CLSTN2: variants seen among roughly 807,000 people sequenced by gnomAD.
CLSTN2 encodes calsyntenin-2.
CLSTN2 carries 48 observed loss-of-function variants against 101.2 expected under a neutral mutation model. The observed-to-expected ratio is 0.47, with a 90% confidence interval of 0.38 to 0.60. The LOEUF (loss-of-function observed/expected upper bound fraction) is 0.60. CLSTN2 is among the 20% of genes least tolerant of loss of function. CLSTN2 has a pLI of 0.00. For missense variants in CLSTN2, 1,160 were observed against 1,238.2 expected (o/e 0.94, Z 0.95); for synonymous variants, 481 against 463.6 (o/e 1.04, Z -0.48).
At chr3:140,388,048 G>A (rs150919439) in intron 2 of CLSTN2, among the ~76,000 whole-genome samples, 237 of 152,308 alleles carry the variant, frequency 1.6e-3, no homozygotes, top group Non-Finnish European at 1.6e-3. Context: ...TGCTTCTCAC[G>A]CTTCACCAGC....
intron 2 of CLSTN2, among the ~76,000 whole-genome samples, chr3:140,293,446 C>A (rs1030976806): frequency 6.6e-6 from 1 of 152,134 alleles, no homozygotes; most frequent in Non-Finnish European, 1.5e-5. Flanking sequence ...GTGACAGGGG[C>A]CTGTCTTCCA....
intron 1 of CLSTN2, among the ~76,000 whole-genome samples, chr3:140,024,392 C>G (rs976626996): frequency 6.6e-6 from 1 of 152,220 alleles, no homozygotes; most frequent in Admixed American, 6.5e-5. Flanking sequence ...GAGCCCTGGA[C>G]TGAGTCACAG....
intron 1 of CLSTN2, among the ~76,000 whole-genome samples, chr3:140,119,851 G>A (rs998612338): frequency 1.3e-5 from 2 of 152,136 alleles, no homozygotes; most frequent in Non-Finnish European, 2.9e-5. Flanking sequence ...AGTCTTTGCT[G>A]CTTGCAGTTG....
chr3:140,249,955 C>T (rs1380288158), intron 2 of CLSTN2, among the ~76,000 whole-genome samples: 1 of 152,202 alleles, frequency 6.6e-6, no homozygotes, highest in East Asian at 1.9e-4. Flanking sequence ...TTATGGCTTA[C>T]AGCTGGCAGG....
At chr3:140,528,257 C>T (rs1425640964) in intron 8 of CLSTN2, among the ~76,000 whole-genome samples, 1 of 152,112 alleles carries the variant, frequency 6.6e-6, no homozygotes, top group Non-Finnish European at 1.5e-5. Context: ...ATGACTATCA[C>T]CCGCTTCTCC....
intron 2 of CLSTN2, among the ~76,000 whole-genome samples, chr3:140,402,457 G>T (rs1365569133): frequency 6.6e-6 from 1 of 152,194 alleles, no homozygotes; most frequent in Non-Finnish European, 1.5e-5. Flanking sequence ...GGTTTTTTAT[G>T]AAGTTCAAAT....
intron 1 of CLSTN2, among the ~76,000 whole-genome samples, chr3:139,991,582 A>G (rs967688574): frequency 6.6e-6 from 1 of 152,390 alleles, no homozygotes; most frequent in Non-Finnish European, 1.5e-5. Context: ...CAGAGTTTCA[A>G]TAGGCTGCTA....
At chr3:140,096,527 T>G (rs75258096) in intron 1 of CLSTN2, among the ~76,000 whole-genome samples, 2,119 of 152,328 alleles carry the variant, frequency 0.014, 66 homozygotes, top group African/African-American at 0.048. Context: ...GCTATTGTGT[T>G]TTGTTTAATG....
At chr3:140,483,829 C>T (rs1008485640) in intron 8 of CLSTN2, among the ~76,000 whole-genome samples, 1 of 152,086 alleles carries the variant, frequency 6.6e-6, no homozygotes, top group East Asian at 1.9e-4. Context: ...GATCTTCCTC[C>T]ATCCCTTTAT....
chr3:140,000,541 A>T (rs1393654268), intron 1 of CLSTN2, among the ~76,000 whole-genome samples: 1 of 152,208 alleles, frequency 6.6e-6, no homozygotes, highest in Admixed American at 6.5e-5. Context: ...AACAGGGGTT[A>T]CCCAAATGGA....
At chr3:140,171,517 C>T (rs2010212508) in intron 1 of CLSTN2, among the ~76,000 whole-genome samples, 1 of 148,996 alleles carries the variant, frequency 6.7e-6, no homozygotes, top group Non-Finnish European at 1.5e-5. Context: ...GCCACTGCTT[C>T]AGAGCTGCTC....
chr3:139,969,388 G>A (rs1226598087), intron 1 of CLSTN2, among the ~76,000 whole-genome samples: 1 of 152,150 alleles, frequency 6.6e-6, no homozygotes, highest in East Asian at 1.9e-4. Context: ...CAGTTAATCT[G>A]ACCTCTCAAT....
intron 4 of CLSTN2, among the ~76,000 whole-genome samples, chr3:140,416,524 A>G (rs939235126): frequency 3.9e-5 from 6 of 152,216 alleles, no homozygotes; most frequent in African/African-American, 1.4e-4. Flanking sequence ...TTTGTCAGTC[A>G]TACCTCCATA....
At chr3:140,558,222 C>T (rs1366191411) in intron 11 of CLSTN2, among the ~76,000 whole-genome samples, 3 of 152,190 alleles carry the variant, frequency 2.0e-5, no homozygotes, top group East Asian at 1.9e-4. Context: ...AGAGATATAT[C>T]GTATAAGCAG....
At chr3:140,187,456 T>G (rs2010500314) in intron 2 of CLSTN2, among the ~76,000 whole-genome samples, 1 of 152,204 alleles carries the variant, frequency 6.6e-6, no homozygotes, top group Non-Finnish European at 1.5e-5. Context: ...TCTGGCCTAC[T>G]CTTGCTCAGG....
intron 6 of CLSTN2, among the ~76,000 whole-genome samples, chr3:140,456,930 A>G (rs1933416069): frequency 6.6e-6 from 1 of 152,138 alleles, no homozygotes; most frequent in African/African-American, 2.4e-5. Flanking sequence ...ATCCCCCATC[A>G]CCCCATGCAT....
intron 1 of CLSTN2, among the ~76,000 whole-genome samples, chr3:139,958,392 C>T (rs116765997): frequency 5.9e-4 from 90 of 152,254 alleles, no homozygotes; most frequent in African/African-American, 2.1e-3. Context: ...TTAGCTTTAC[C>T]TTTCTGTTGT....
chr3:139,984,315 T>C (rs1332294928), intron 1 of CLSTN2, among the ~76,000 whole-genome samples: 1 of 152,130 alleles, frequency 6.6e-6, no homozygotes, highest in Non-Finnish European at 1.5e-5. Context: ...AAACAAAGAA[T>C]GTTATCAAAG....
chr3:140,463,149 A>G (rs992490869), intron 7 of CLSTN2, among the ~76,000 whole-genome samples: 4 of 152,106 alleles, frequency 2.6e-5, no homozygotes, highest in African/African-American at 9.7e-5. Context: ...GTCACCTTCC[A>G]TGATTCCTCC....
Sources: gnomAD v4.1 joint callset for allele counts (sites outside exome capture counted in the v4.1 genomes callset) on GRCh38, gnomAD v4.1.1 for gene constraint, MANE v1.5 for transcripts, NCBI Gene and HGNC (gene_info 2026-07-23, HGNC 2026-07-21) for gene names.